Variants in MTMR7 observed in about 807,000 individuals in gnomAD.
MTMR7 encodes the protein phosphatidylinositol-3-phosphate phosphatase MTMR7.
In MTMR7, 76 loss-of-function variants were observed where a neutral mutation model predicts 81.2. The ratio of observed to expected loss-of-function variants is 0.94; its 90% CI spans 0.78 to 1.13. The LOEUF is 1.13. Among genes scored for constraint, MTMR7 ranks in the 50% most tolerant of loss-of-function variants. The probability of loss-of-function intolerance (pLI) is 0.00; values close to 1 mark genes in which losing one functional copy is unlikely to be tolerated. For synonymous variants in MTMR7, 372 were observed against 289.8 expected (o/e 1.28, Z -2.88); for missense variants, 1,044 against 820.0 (o/e 1.27, Z -3.34).
intron 13 of MTMR7, among the ~76,000 whole-genome samples, chr8:17,301,265 A>C (rs1465681288): frequency 1.3e-5 from 2 of 152,228 alleles, no homozygotes; most frequent in Non-Finnish European, 2.9e-5. Flanking sequence ...GAATTTCAAA[A>C]AGGCAAAAGT....
intron 1 of MTMR7, among the ~76,000 whole-genome samples, chr8:17,402,087 T>C (rs1821443861): frequency 6.6e-6 from 1 of 152,136 alleles, no homozygotes; most frequent in Admixed American, 6.5e-5. Flanking sequence ...TGGAAAATTA[T>C]TTTTAAAAAT....
At position 17,311,911 on chromosome 8, in the gene MTMR7, T is replaced by C. The variant is rs181723683; in HGVS notation, c.976-275A>G. ...TTACTAAACATAAGCATTCGTCCTA[T>C]GCAAACGGACCTTCAACCCTCTTCC... is the stretch of plus-strand genomic sequence containing the variant. On this transcript the variant is annotated intron_variant, in intron 8 of 13. Coordinates refer to ENST00000180173, the MANE Select transcript of MTMR7 (RefSeq NM_004686.5). 172 of 345,326 alleles carry C rather than the reference T, an allele frequency of 5.0e-4. 1 individual carries two copies. In the East Asian group the frequency reaches 7.7e-3, roughly 15 times the overall value. 21.4% of individuals were successfully genotyped at this position (345,326 alleles called of 1,614,324 possible). A position where few individuals can be genotyped will look rare whatever the true frequency, so the allele number is the denominator to read the frequency against.
intron 7 of MTMR7, among the ~76,000 whole-genome samples, chr8:17,316,963 C>T (rs1270733164): frequency 6.6e-6 from 1 of 152,164 alleles, no homozygotes. Flanking sequence ...ATGCTCTCAC[C>T]AGTAGGTTGG....
intron 4 of MTMR7, among the ~76,000 whole-genome samples, chr8:17,356,372 T>G (rs991249471): frequency 6.6e-6 from 1 of 152,112 alleles, no homozygotes; most frequent in African/African-American, 2.4e-5. Flanking sequence ...TTGGGTTTCT[T>G]CTAATATTTA....
chr8:17,337,864 C>G (rs191162011), intron 6 of MTMR7, among the ~76,000 whole-genome samples: 1 of 152,320 alleles, frequency 6.6e-6, no homozygotes, highest in East Asian at 1.9e-4. Context: ...ACAAGTAATT[C>G]TGAGGCTTTC....
chr8:17,333,907 C>CA (rs201316680), intron 6 of MTMR7, among the ~76,000 whole-genome samples: 40 of 146,894 alleles, frequency 2.7e-4, no homozygotes, highest in East Asian at 4.0e-4. Context: ...GGCAGAGATA[C>CA]AAAAAAAAAG....
intron 3 of MTMR7, among the ~76,000 whole-genome samples, chr8:17,364,323 G>A (rs1418386424): frequency 1.3e-5 from 2 of 151,996 alleles, no homozygotes; most frequent in Non-Finnish European, 2.9e-5. Context: ...GTGAGCCACC[G>A]CGCCCGGTCA....
chr8:17,325,607 T>C lies in MTMR7; in HGVS notation c.865+5543A>G, dbSNP rs118159239. 6.3e-3 allele frequency among the ~76,000 whole-genome samples: 961 copies of C among 152,292 alleles called. 3 individuals are homozygous for C. The highest frequency in any genetic ancestry group is 0.01 in the Non-Finnish European group (709 of 68,028). The stretch of plus-strand genomic sequence containing the variant: ...GCTGACGCGGGGCCTGCGTCCCACA[T>C]GCTCTGGGCTCACTTCCCCTGCTCC... On this transcript the variant is annotated intron_variant, in intron 7 of 13. Coordinates refer to ENST00000180173, the MANE Select transcript of MTMR7 (RefSeq NM_004686.5).
intron 12 of MTMR7, 104 bp from the exon 13 acceptor site, chr8:17,302,384 C>A (rs1817174841): frequency 3.8e-6 from 5 of 1,299,134 alleles, no homozygotes; most frequent in Non-Finnish European, 5.1e-6. Flanking sequence ...TTAATAATAA[C>A]CAAATGCAAA....
intron 7 of MTMR7, among the ~76,000 whole-genome samples, chr8:17,320,855 CCTG>C (rs1818353243): frequency 6.6e-6 from 1 of 152,226 alleles, no homozygotes; most frequent in Non-Finnish European, 1.5e-5. Flanking sequence ...TCCCTGGGCG[CCTG>C]CTGTTTGGGC....
intron 7 of MTMR7, among the ~76,000 whole-genome samples, chr8:17,323,728 T>C (rs1193641511): frequency 1.3e-5 from 2 of 152,116 alleles, no homozygotes; most frequent in Non-Finnish European, 2.9e-5. Context: ...TGAGACTGTA[T>C]TGTCACTGGC....
chr8:17,358,953 G>A (rs1168722974), intron 4 of MTMR7, among the ~76,000 whole-genome samples: 2 of 152,176 alleles, frequency 1.3e-5, no homozygotes, highest in African/African-American at 2.4e-5. Context: ...AGAGTGCATG[G>A]CGCGATCATG....
At chr8:17,367,173 T>G (rs189901210) in intron 3 of MTMR7, among the ~76,000 whole-genome samples, 1 of 152,168 alleles carries the variant, frequency 6.6e-6, no homozygotes, top group African/African-American at 2.4e-5. Flanking sequence ...ATGAGACTAC[T>G]TCAATCATGA....
intron 4 of MTMR7, among the ~76,000 whole-genome samples, chr8:17,354,154 TACAG>T (rs1422226719): frequency 6.6e-6 from 1 of 152,234 alleles, no homozygotes; most frequent in African/African-American, 2.4e-5. Flanking sequence ...GAGATATCTA[TACAG>T]ACAATCTTCT....
intron 3 of MTMR7, among the ~76,000 whole-genome samples, chr8:17,368,368 G>A (rs1339379370): frequency 6.6e-6 from 1 of 152,162 alleles, no homozygotes; most frequent in Non-Finnish European, 1.5e-5. Context: ...TTAGCTGGGT[G>A]TCCATAAATA....
intron 4 of MTMR7, among the ~76,000 whole-genome samples, chr8:17,355,764 GA>G (rs558524751): frequency 1.3e-5 from 2 of 152,038 alleles, no homozygotes; most frequent in South Asian, 2.1e-4. Context: ...TAATCTTATA[GA>G]AAAAAGAGCA....
chr8:17,373,741 T>C (rs1190148606), intron 1 of MTMR7, among the ~76,000 whole-genome samples: 1 of 152,160 alleles, frequency 6.6e-6, no homozygotes, highest in Non-Finnish European at 1.5e-5. Flanking sequence ...GAAAAAAGTA[T>C]CAGAGAAATG....
rs1056716889 is a variant in MTMR7 at position 17,311,843 on chromosome 8, T to C, written c.976-207A>G. 7 of 669,064 alleles carry C rather than the reference T, an allele frequency of 1.0e-5. No homozygotes were observed. The African/African-American group carries it at 1.3e-4, about 12-fold the overall frequency. 41.4% of individuals were successfully genotyped at this position (669,064 alleles called of 1,614,324 possible). A position where few individuals can be genotyped will look rare whatever the true frequency, so the allele number is the denominator to read the frequency against. ...GCTAAAGCTTTCCCTTCCCATTCTATCCAGAAGCCACCACTCAAGTCACCT... is the reference window on the plus strand; with the variant it reads ...GCTAAAGCTTTCCCTTCCCATTCTACCCAGAAGCCACCACTCAAGTCACCT... On this transcript the variant is annotated intron_variant, in intron 8 of 13. Coordinates refer to ENST00000180173, the MANE Select transcript of MTMR7 (RefSeq NM_004686.5).
chr8:17,308,366 G>A (rs1277011592), intron 10 of MTMR7, among the ~76,000 whole-genome samples: 3 of 152,032 alleles, frequency 2.0e-5, no homozygotes, highest in Non-Finnish European at 4.4e-5. Flanking sequence ...CTAATTGGGG[G>A]CTTTAATTTT....
Sources: allele counts gnomAD v4.1 joint callset (sites outside exome capture counted in the v4.1 genomes callset), GRCh38; gene constraint gnomAD v4.1.1; transcripts MANE v1.5; gene names NCBI Gene and HGNC (gene_info 2026-07-23, HGNC 2026-07-21).